UNC80: variants seen among roughly 807,000 people sequenced by gnomAD.
The protein encoded by UNC80 is unc-80 subunit of NALCN channel complex, also known as protein unc-80 homolog.
In UNC80, 164 loss-of-function variants were observed where a neutral mutation model predicts 384.6. That is an observed-to-expected ratio of 0.43 (90% CI 0.38 to 0.49). The LOEUF (loss-of-function observed/expected upper bound fraction) is 0.49, where lower values mean the gene tolerates loss of function less well. Among genes scored for constraint, UNC80 ranks in the 20% least tolerant of loss-of-function variants. UNC80 has a pLI of 0.00. For synonymous variants in UNC80, 1,486 were observed against 1,527.8 expected (o/e 0.97, Z 0.64); for missense variants, 3,330 against 4,143.0 (o/e 0.80, Z 5.39).
intron 7 of UNC80, among the ~76,000 whole-genome samples, chr2:209,804,978 T>G (rs1030987486): frequency 6.6e-6 from 1 of 152,160 alleles, no homozygotes; most frequent in South Asian, 2.1e-4. Flanking sequence ...CAAAAGTTCT[T>G]TATATTTGAT....
chr2:209,921,747 A>C, intron 34 of UNC80, 61 bp downstream of exon 34: 6 of 1,461,418 alleles, frequency 4.1e-6, no homozygotes, highest in African/African-American at 1.4e-5. Flanking sequence ...CGTGCTCTGA[A>C]ATTAACATTG....
In UNC80 at chr2:209,888,197, A is replaced by G. The variant is rs2086006144; in HGVS notation, c.4213A>G (p.Lys1405Glu). The G allele has an allele frequency of 6.4e-7, 1 of 1,551,720 alleles. No homozygotes were observed. Among genetic ancestry groups the G allele is most frequent in the African/African-American group, 1.4e-5 (1 of 73,178 alleles). ...AGVLDENEDSKDSLHSSSHTL... is the reference protein window; with the variant it reads ...AGVLDENEDSEDSLHSSSHTL... The stretch of plus-strand genomic sequence containing the variant: ...GGTCCTGGACGAAAATGAAGACTCA[A>G]AAGATTCTCTCCACAGCAGCAGCCA... Residue 1405 changes from lysine (K) to glutamate (E), a missense_variant, in exon 26 of 65, where the codon AAA (lysine) becomes GAA (glutamate). Physicochemically the swap from Lys to Glu is moderately conservative, Grantham distance 56 (BLOSUM62 1). Coordinates refer to ENST00000673920, the MANE Select transcript of UNC80 (RefSeq NM_001371986.1).
intron 24 of UNC80, among the ~76,000 whole-genome samples, chr2:209,878,750 A>G (rs1227236968): frequency 6.6e-6 from 1 of 152,218 alleles, no homozygotes; most frequent in Non-Finnish European, 1.5e-5. Context: ...GCTTTTGTGT[A>G]TATGTACCAC....
At position 209,817,875 on chromosome 2, in the gene UNC80, A is replaced by C. The variant is rs1465397545; in HGVS notation, c.1616A>C (p.His539Pro). ...GAGATGGAGAGTCTGAGCGCCAGGC[A>C]TTCCCACTCCCATCACACCCTGGTA... ...ATEMESLSAR[H>P]SHSHHTLVSD... The change falls in exon 11 of 65, where the codon CAT (histidine) becomes CCT (proline). Residue 539 changes from histidine (H) to proline (P), a missense_variant. Physicochemically the swap from His to Pro is moderately conservative, Grantham distance 77 (BLOSUM62 -2). Around this residue, in one of 8 missense-constraint regions of UNC80, gnomAD observed 937 missense variants for 1,026.8 expected, o/e 0.91. Coordinates refer to ENST00000673920, the MANE Select transcript of UNC80 (RefSeq NM_001371986.1). 2 of 1,551,674 alleles carry C rather than the reference A, an allele frequency of 1.3e-6. No individual in the cohort carries two copies.
At position 209,817,207 on chromosome 2, in the gene UNC80, A is replaced by G. The variant is rs1574575752; in HGVS notation, c.1552+82A>G. 8 of 1,350,174 alleles carry G rather than the reference A, an allele frequency of 5.9e-6. No homozygotes were observed. The East Asian group carries it at 2.0e-4, about 34-fold the overall frequency. 83.6% of individuals were successfully genotyped at this position (1,350,174 alleles called of 1,614,324 possible). On this transcript the variant is annotated intron_variant, in intron 10 of 64. Coordinates refer to ENST00000673920, the MANE Select transcript of UNC80 (RefSeq NM_001371986.1). ...ATCTAGGGCTTCTGGGCAAATCTGA[A>G]TCTTTCTTGAACAATTCAGCCAAGA...
intron 26 of UNC80, among the ~76,000 whole-genome samples, chr2:209,888,834 T>G (rs1179232305): frequency 1.3e-5 from 2 of 152,154 alleles, no homozygotes; most frequent in Admixed American, 1.3e-4. Flanking sequence ...ATGTAAAACA[T>G]AATAAAATGA....
chr2:209,794,752 C>A, intron 7 of UNC80: 1 of 453,320 alleles, frequency 2.2e-6, no homozygotes, highest in African/African-American at 2.0e-5. Context: ...GGGGTTTCCA[C>A]TTTTGTCTCT....
chr2:209,834,562 C>A (rs1196198037), intron 17 of UNC80, among the ~76,000 whole-genome samples: 1 of 152,142 alleles, frequency 6.6e-6, no homozygotes, highest in Non-Finnish European at 1.5e-5. Context: ...TGGTAAAAGA[C>A]AAATGATTAA....
intron 26 of UNC80, among the ~76,000 whole-genome samples, chr2:209,893,904 CA>C (rs1428542944): frequency 6.6e-6 from 1 of 152,194 alleles, no homozygotes; most frequent in Non-Finnish European, 1.5e-5. Flanking sequence ...CCCAAAAGCA[CA>C]CTCATGCTAG....
At chr2:209,891,705 A>G (rs188200039) in intron 26 of UNC80, among the ~76,000 whole-genome samples, 2 of 152,294 alleles carry the variant, frequency 1.3e-5, no homozygotes, top group East Asian at 3.9e-4. Flanking sequence ...TAAACAATGG[A>G]AAACTGCAGT....
chr2:209,845,239 G>T (rs1326088269), intron 21 of UNC80: 1 of 152,138 alleles, frequency 6.6e-6, no homozygotes, highest in African/African-American at 2.4e-5. Context: ...AGAACCGTGA[G>T]ACATAAATGT....
chr2:209,863,273 C>T (rs974257680), intron 22 of UNC80, among the ~76,000 whole-genome samples: 4 of 152,134 alleles, frequency 2.6e-5, no homozygotes, highest in Non-Finnish European at 5.9e-5. Context: ...ACAGTTCTTC[C>T]TTCATTTCCA....
chr2:209,990,120 T>C (rs1396210232), intron 61 of UNC80, among the ~76,000 whole-genome samples: 1 of 152,190 alleles, frequency 6.6e-6, no homozygotes, highest in Non-Finnish European at 1.5e-5. Context: ...TCGATGCTTA[T>C]GATCCTCTCC....
intron 55 of UNC80, 79 bp from the exon 56 acceptor site, chr2:209,972,985 G>T: frequency 7.3e-7 from 1 of 1,369,766 alleles, no homozygotes; most frequent in East Asian, 2.5e-5. Flanking sequence ...AAAGAGCTGA[G>T]TTTTTCTGTA....
intron 58 of UNC80, 119 bp downstream of exon 58, chr2:209,977,197 T>A: frequency 9.5e-7 from 1 of 1,055,286 alleles, no homozygotes; most frequent in Non-Finnish European, 1.3e-6. Context: ...GCCATTTTGG[T>A]ACACTGTTAG....
At chr2:209,866,599 G>A (rs534365981) in intron 22 of UNC80, among the ~76,000 whole-genome samples, 2 of 150,852 alleles carry the variant, frequency 1.3e-5, no homozygotes, top group Non-Finnish European at 2.9e-5. Context: ...TAGTATTGCA[G>A]TTGGAAAAAC....
chr2:209,931,218 G>T (rs749742355), intron 38 of UNC80, among the ~76,000 whole-genome samples, 164 bp downstream of exon 38: 10 of 151,832 alleles, frequency 6.6e-5, no homozygotes, highest in Admixed American at 1.3e-4. Flanking sequence ...TTTGACATAT[G>T]GAGGACAGTC....
Position 209,881,001 on chromosome 2 carries a change from GA to G in UNC80, c.4019del (p.Lys1340ArgfsTer94). ...PSKCGCPFAL[K>X]MAACQLLLEI... is the part of the protein sequence containing the mutation. ...CTAAATGCGGTTGCCCCTTTGCCTTGAAGATGGCAGCATGTCAGCTTCTTCT... is the reference window on the plus strand; with the variant it reads ...CTAAATGCGGTTGCCCCTTTGCCTTGAGATGGCAGCATGTCAGCTTCTTCT... On this transcript the variant is annotated frameshift_variant, in exon 25 of 65. Transcript: ENST00000673920. LOFTEE classifies it high-confidence loss of function. 1.3e-6 allele frequency: 2 copies of G among 1,551,996 alleles called. No individual in the cohort carries two copies. Among genetic ancestry groups the G allele is most frequent in the Non-Finnish European group, 1.7e-6 (2 of 1,147,054 alleles).
chr2:209,813,841 A>G lies in UNC80; in HGVS notation c.1200A>G (p.Gln400=). The change falls in exon 8 of 65, where the codon CAA becomes CAG. Residue 400 remains glutamine, a splice_region_variant and synonymous_variant. Coordinates refer to ENST00000673920, the MANE Select transcript of UNC80 (RefSeq NM_001371986.1). ...CACTAGTGAACACCCACAAAACCCA[A>G]GTAAGAAAAACCCGGTTCATTGTCA... ...APSLVNTHKT[Q]DLTMKCNEEE... The G allele has an allele frequency of 6.5e-7, 1 of 1,550,384 alleles. No homozygotes were observed. Among genetic ancestry groups the G allele is most frequent in the Non-Finnish European group, 8.7e-7 (1 of 1,146,364 alleles).
Sources: gnomAD v4.1 joint callset for allele counts (sites outside exome capture counted in the v4.1 genomes callset) on GRCh38, gnomAD v4.1.1 for gene constraint, gnomAD v4.1.1 regional missense constraint, MANE v1.5 for transcripts, NCBI Gene and HGNC (gene_info 2026-07-23, HGNC 2026-07-21) for gene names.